The following SUGCT variants were observed in gnomAD, a reference collection of about 807,000 sequenced individuals.
The protein encoded by SUGCT is succinyl-CoA:glutarate-CoA transferase, also known as succinyl-CoA:glutarate CoA-transferase.
Under a neutral mutation model 55.0 loss-of-function variants are expected in SUGCT, and 41 were observed. That is an observed-to-expected ratio of 0.74 (90% confidence interval 0.58 to 0.97). The LOEUF is 0.97. Ranked by LOEUF, SUGCT falls within the 50% of genes least tolerant of loss-of-function variation. The pLI, the probability that SUGCT is intolerant of heterozygous loss-of-function variation, is 0.00. For synonymous variants in SUGCT, 187 were observed against 200.4 expected, an observed-to-expected ratio of 0.93 and a Z score of 0.56; for missense variants, 568 against 547.8, an observed-to-expected ratio of 1.04 and a Z score of -0.37.
At chr7:40,505,828 C>A (rs1040621583) in intron 12 of SUGCT, among the ~76,000 whole-genome samples, 28 of 151,912 alleles carry the variant, frequency 1.8e-4, no homozygotes, top group African/African-American at 5.5e-4. Context: ...TTTTTGTTAA[C>A]CCTATCTTAT....
intron 12 of SUGCT, among the ~76,000 whole-genome samples, chr7:40,520,539 A>C (rs1357278673): frequency 6.6e-6 from 1 of 152,150 alleles, no homozygotes; most frequent in African/African-American, 2.4e-5. Context: ...CGAAACTTCT[A>C]CCTTCAGAGG....
the SUGCT span, among the ~76,000 whole-genome samples, chr7:40,975,254 G>C: frequency 1.6e-4 from 25 of 151,902 alleles, no homozygotes; most frequent in African/African-American, 6.1e-4. Flanking sequence ...AAGGAGGAAG[G>C]GTTTGGAAGC....
At chr7:40,901,501 G>A in the SUGCT span, among the ~76,000 whole-genome samples, 2 of 137,160 alleles carry the variant, frequency 1.5e-5, no homozygotes, top group African/African-American at 2.5e-5. Flanking sequence ...AGTGCAGTTG[G>A]TGTGCATCCA....
chr7:40,331,244 A>T (rs921851637), intron 9 of SUGCT, among the ~76,000 whole-genome samples: 4 of 152,206 alleles, frequency 2.6e-5, no homozygotes, highest in African/African-American at 9.6e-5. Context: ...CACAGTCTAA[A>T]CATCTACTTC....
intron 9 of SUGCT, among the ~76,000 whole-genome samples, chr7:40,441,857 T>C (rs1168639589): frequency 6.6e-6 from 1 of 152,070 alleles, no homozygotes; most frequent in Non-Finnish European, 1.5e-5. Flanking sequence ...AGGGATTTGG[T>C]GCTGCTGATT....
chr7:40,195,679 C>T (rs1020474940), intron 6 of SUGCT, among the ~76,000 whole-genome samples: 1 of 145,332 alleles, frequency 6.9e-6, no homozygotes, highest in African/African-American at 2.5e-5. Flanking sequence ...TTAACTCTTG[C>T]ATAGGTGAAT....
intron 12 of SUGCT, among the ~76,000 whole-genome samples, chr7:40,700,711 C>T (rs1785138702): frequency 2.0e-5 from 3 of 152,172 alleles, no homozygotes; most frequent in Admixed American, 1.3e-4. Flanking sequence ...TAATTTCCAA[C>T]AGCATGAGTT....
At chr7:40,713,677 T>C (rs1378189733) in intron 12 of SUGCT, among the ~76,000 whole-genome samples, 1 of 152,218 alleles carries the variant, frequency 6.6e-6, no homozygotes, top group East Asian at 1.9e-4. Context: ...CATCTTCATA[T>C]TCTGTAGCAT....
rs150906000 is a variant in SUGCT, at chr7:40,235,364, A to G, written c.485-2271A>G. ...ATTTTTTGAGACAGACTCTCACTCT[A>G]TTGCCCAGGCTGGAGTGCAGTGGCA... is the stretch of plus-strand genomic sequence containing the variant. On this transcript the variant is annotated intron_variant, in intron 6 of 13. Transcript: ENST00000335693. Among the ~76,000 whole-genome samples, 960 of 152,226 alleles carry G rather than the reference A, an allele frequency of 6.3e-3. 10 individuals are homozygous for G. The highest frequency in any genetic ancestry group is 0.022 in the African/African-American group (918 of 41,542).
chr7:41,015,880 C>T, the SUGCT span, among the ~76,000 whole-genome samples: 1 of 152,126 alleles, frequency 6.6e-6, no homozygotes. Context: ...CACAAAATGC[C>T]TGAATTGAGT....
intron 1 of SUGCT, among the ~76,000 whole-genome samples, chr7:40,145,260 C>T (rs1788184572): frequency 6.6e-6 from 1 of 152,180 alleles, no homozygotes; most frequent in African/African-American, 2.4e-5. Flanking sequence ...TTTCCTTACA[C>T]ACCTTGCACA....
At chr7:40,631,485 A>C (rs751650185) in intron 12 of SUGCT, among the ~76,000 whole-genome samples, 1 of 152,180 alleles carries the variant, frequency 6.6e-6, no homozygotes, top group Non-Finnish European at 1.5e-5. Context: ...CAAAGAACTA[A>C]ATCAGCAGTT....
intron 13 of SUGCT, among the ~76,000 whole-genome samples, chr7:40,806,054 C>G (rs1298329015): frequency 6.6e-6 from 1 of 152,072 alleles, no homozygotes; most frequent in Non-Finnish European, 1.5e-5. Context: ...TATCAAGCAT[C>G]CAAGTGAAAC....
At chr7:40,778,691 A>G (rs1219533836) in intron 13 of SUGCT, among the ~76,000 whole-genome samples, 1 of 152,210 alleles carries the variant, frequency 6.6e-6, no homozygotes, top group Non-Finnish European at 1.5e-5. Flanking sequence ...GATATGAGTG[A>G]TCTGCTTGGC....
At chr7:40,679,161 G>A (rs56862916) in intron 12 of SUGCT, among the ~76,000 whole-genome samples, 5,015 of 152,242 alleles carry the variant, frequency 0.033, 187 homozygotes, top group East Asian at 0.2. Flanking sequence ...TCTGTAGTAT[G>A]TCTACCCAGT....
At chr7:40,361,740 T>C (rs1798165025) in intron 9 of SUGCT, among the ~76,000 whole-genome samples, 1 of 152,134 alleles carries the variant, frequency 6.6e-6, no homozygotes, top group African/African-American at 2.4e-5. Context: ...CAGTGGTAAC[T>C]GGAGATACAG....
chr7:40,727,309 A>G (rs1786660696), intron 12 of SUGCT, among the ~76,000 whole-genome samples: 1 of 152,188 alleles, frequency 6.6e-6, no homozygotes, highest in South Asian at 2.1e-4. Context: ...TCTAAGTCGC[A>G]GTTGTTGATT....
At chr7:40,336,711 A>G (rs979184244) in intron 9 of SUGCT, among the ~76,000 whole-genome samples, 18 of 152,136 alleles carry the variant, frequency 1.2e-4, no homozygotes, top group Admixed American at 5.2e-4. Context: ...TCCTGGATTC[A>G]TTGATTTTTT....
intron 12 of SUGCT, among the ~76,000 whole-genome samples, chr7:40,513,783 ATTTT>A (rs869065628): frequency 9.6e-6 from 1 of 103,972 alleles, no homozygotes; most frequent in African/African-American, 3.8e-5. Context: ...TCAGGGAAGT[ATTTT>A]TTTTTTTTTT....
Sources: allele counts gnomAD v4.1 joint callset (sites outside exome capture counted in the v4.1 genomes callset), GRCh38; gene constraint gnomAD v4.1.1; transcripts MANE v1.5; gene names NCBI Gene and HGNC (gene_info 2026-07-23, HGNC 2026-07-21).